Variants in BANP observed in about 807,000 individuals in gnomAD.
BANP encodes the protein protein BANP.
In BANP, 11 loss-of-function variants were observed where a neutral mutation model predicts 68.1. The observed-to-expected ratio is 0.16, with a 90% confidence interval of 0.10 to 0.27. BANP has a LOEUF of 0.27. BANP is among the 10% of genes least tolerant of loss of function. The probability of loss-of-function intolerance (pLI) is 1.00; values close to 1 mark genes in which losing one functional copy is unlikely to be tolerated. For missense variants in BANP, 504 were observed against 722.7 expected (o/e 0.70, Z 3.47); for synonymous variants, 329 against 303.2 (o/e 1.09, Z -0.88).
At chr16:88,041,207 C>T (rs2080710090) in intron 11 of BANP, among the ~76,000 whole-genome samples, 2 of 152,374 alleles carry the variant, frequency 1.3e-5, no homozygotes, top group South Asian at 4.1e-4. Flanking sequence ...TGGACAGCTT[C>T]TCTGAAAATA....
chr16:88,028,148 A>G (rs528813621), intron 8 of BANP, among the ~76,000 whole-genome samples: 62 of 152,332 alleles, frequency 4.1e-4, no homozygotes, highest in African/African-American at 1.4e-3. Flanking sequence ...TTCACTAGGA[A>G]TGACAATGTG....
Position 88,072,215 on chromosome 16 carries a change from G to A in BANP, c.1521+3G>A, listed in dbSNP as rs1402211787. On this transcript the variant is annotated splice_donor_region_variant and intron_variant, in intron 13 of 13. Transcript: ENST00000682872. ...GTGACCACACGGCCGGGGCACAGGT[G>A]AGTCTGGGGCCCCGCGCCGGGACAC... is the stretch of plus-strand genomic sequence containing the variant. The A allele has an allele frequency of 2.5e-6, 4 of 1,608,314 alleles. No individual in the cohort carries two copies. The highest frequency in any genetic ancestry group is 3.4e-6 in the Non-Finnish European group (4 of 1,178,674).
chr16:87,998,883 CG>C (rs1567706152), intron 4 of BANP, among the ~76,000 whole-genome samples: 1 of 123,430 alleles, frequency 8.1e-6, no homozygotes. Flanking sequence ...CATGCACGCA[CG>C]TGCGCGGCTG....
At chr16:88,026,679 ATAACT>A (rs2077060730) in intron 7 of BANP, among the ~76,000 whole-genome samples, 1 of 152,136 alleles carries the variant, frequency 6.6e-6, no homozygotes, top group South Asian at 2.1e-4. Flanking sequence ...GTAACAATAC[ATAACT>A]TGAATTCTCC....
chr16:87,959,421 A>G (rs1394803867), intron 1 of BANP, among the ~76,000 whole-genome samples: 1 of 152,232 alleles, frequency 6.6e-6, no homozygotes, highest in East Asian at 1.9e-4. Context: ...GGGAAGGAAT[A>G]AGACGAGGTT....
chr16:88,062,220 C>T (rs2152878436), intron 11 of BANP, among the ~76,000 whole-genome samples: 1 of 152,260 alleles, frequency 6.6e-6, no homozygotes, highest in East Asian at 1.9e-4. Flanking sequence ...TTTGGTTTTG[C>T]GTTGCACCTG....
chr16:87,984,626 A>T (rs539531127), intron 4 of BANP, among the ~76,000 whole-genome samples: 1 of 152,336 alleles, frequency 6.6e-6, no homozygotes, highest in South Asian at 2.1e-4. Flanking sequence ...TACATTTCAC[A>T]TGAATATATC....
chr16:87,999,852 A>G (rs78372702), intron 4 of BANP, among the ~76,000 whole-genome samples: 3 of 41,414 alleles, frequency 7.2e-5, no homozygotes, highest in Admixed American at 2.4e-4. Flanking sequence ...CCTTCCAGAC[A>G]CGTCTCCATG....
intron 9 of BANP, chr16:88,035,019 C>A: frequency 3.1e-6 from 1 of 321,302 alleles, no homozygotes; most frequent in South Asian, 3.8e-5. Context: ...CATGTCCAAG[C>A]TGTGTGGCAC....
rs746110817 is a variant in BANP at position 87,984,181 on chromosome 16, A to G, written c.284A>G (p.Lys95Arg). ...GAAAAGCTGGATCTGGTCACGAACAAGCAGCACAGCCCCATCCAGGTCCCC... is the reference window on the plus strand; with the variant it reads ...GAAAAGCTGGATCTGGTCACGAACAGGCAGCACAGCCCCATCCAGGTCCCC... Reference protein sequence around the residue: ...LEEKLDLVTNKQHSPIQVPMV... With the variant: ...LEEKLDLVTNRQHSPIQVPMV... Residue 95 changes from lysine (K) to arginine (R), a missense_variant, in exon 4 of 14, where the codon AAG (lysine) becomes AGG (arginine). Lys to Arg is a conservative substitution (Grantham distance 26). This residue lies in a region of BANP where 238 missense variants were observed against 278.9 expected (regional missense o/e 0.85). Transcript: ENST00000682872. 1 of 1,607,750 alleles carries G rather than the reference A, an allele frequency of 6.2e-7. No homozygotes were observed. The highest frequency in any genetic ancestry group is 8.5e-7 in the Non-Finnish European group (1 of 1,176,384).
At chr16:88,076,378 C>T (rs1015263305) in intron 13 of BANP, among the ~76,000 whole-genome samples, 2 of 152,206 alleles carry the variant, frequency 1.3e-5, no homozygotes, top group Non-Finnish European at 2.9e-5. Context: ...GTGCCGGAGC[C>T]TCCCTGGGCG....
intron 4 of BANP, among the ~76,000 whole-genome samples, chr16:87,989,533 CGTCAGGGG>C (rs2065331666): frequency 6.6e-6 from 1 of 152,234 alleles, no homozygotes; most frequent in African/African-American, 2.4e-5. Flanking sequence ...GAGTGTTGCC[CGTCAGGGG>C]ATGCAGGCCC....
At chr16:88,038,072 G>A in intron 11 of BANP, 61 bp downstream of exon 11, 1 of 1,553,800 alleles carries the variant, frequency 6.4e-7, no homozygotes, top group Non-Finnish European at 8.9e-7. Context: ...GGGGTTCTCA[G>A]GGGAGGGGGT....
intron 6 of BANP, among the ~76,000 whole-genome samples, chr16:88,014,369 G>A (rs1415512570): frequency 6.6e-6 from 1 of 151,962 alleles, no homozygotes; most frequent in Non-Finnish European, 1.5e-5. Context: ...TGGAGCCTGG[G>A]GAGGACGGAG....
intron 11 of BANP, among the ~76,000 whole-genome samples, chr16:88,058,848 T>C (rs1280656208): frequency 6.6e-6 from 1 of 152,166 alleles, no homozygotes; most frequent in Admixed American, 6.5e-5. Context: ...CAATCTCTTA[T>C]TTATAATGTT....
chr16:87,964,764 G>A (rs887171687), intron 1 of BANP, among the ~76,000 whole-genome samples: 1 of 152,226 alleles, frequency 6.6e-6, no homozygotes, highest in Non-Finnish European at 1.5e-5. Flanking sequence ...GTGACAGGCT[G>A]GGAAGACGAG....
At chr16:87,992,973 T>A (rs1487739205) in intron 4 of BANP, among the ~76,000 whole-genome samples, 2 of 152,236 alleles carry the variant, frequency 1.3e-5, no homozygotes, top group African/African-American at 4.8e-5. Context: ...CTCCCTGGGC[T>A]CCTCTGATCC....
chr16:87,969,379 G>C (rs2060699571), intron 1 of BANP, among the ~76,000 whole-genome samples: 1 of 152,036 alleles, frequency 6.6e-6, no homozygotes, highest in Non-Finnish European at 1.5e-5. Flanking sequence ...CTTCAAAGAG[G>C]TTGTACCCAT....
chr16:88,029,991 G>T (rs932859166), intron 8 of BANP, among the ~76,000 whole-genome samples: 2 of 152,266 alleles, frequency 1.3e-5, no homozygotes, highest in African/African-American at 4.8e-5. Context: ...AGGCTGGGTG[G>T]TGGTTGGATT....
Sources: gnomAD v4.1 joint callset for allele counts (sites outside exome capture counted in the v4.1 genomes callset) on GRCh38, gnomAD v4.1.1 for gene constraint, gnomAD v4.1.1 regional missense constraint, MANE v1.5 for transcripts, NCBI Gene and HGNC (gene_info 2026-07-23, HGNC 2026-07-21) for gene names.